RBM47: variants seen among roughly 807,000 people sequenced by gnomAD.
The protein encoded by RBM47 is RNA-binding protein 47.
In RBM47, 21 loss-of-function variants were observed where a neutral mutation model predicts 47.1. The observed-to-expected ratio is 0.45, with a 90% CI of 0.32 to 0.64. The LOEUF (loss-of-function observed/expected upper bound fraction) is 0.64. Ranked by LOEUF, RBM47 falls within the 30% of genes least tolerant of loss-of-function variation. The probability of loss-of-function intolerance (pLI) is 0.05; values close to 1 mark genes in which losing one functional copy is unlikely to be tolerated. For missense variants in RBM47, 708 were observed against 870.9 expected (o/e 0.81, Z 2.35); for synonymous variants, 375 against 361.7 (o/e 1.04, Z -0.42).
chr4:40,586,217 C>G (rs544520565), intron 1 of RBM47, among the ~76,000 whole-genome samples: 2 of 152,154 alleles, frequency 1.3e-5, no homozygotes, highest in Non-Finnish European at 1.5e-5. Context: ...GGATTCTGAT[C>G]GGTTCATCCT....
rs1370912751 is a variant in RBM47 at position 40,452,063 on chromosome 4, GGGAGGGT to G, written c.-31-13146_-31-13140del. On this transcript the variant is annotated intron_variant, in intron 3 of 6. Transcript: ENST00000295971. The stretch of plus-strand genomic sequence containing the variant: ...CATGTGCCTGTAGTCTCAGCTACTT[GGGAGGGT>G]GAGGCAGGAGAATTGCTTGAACCCA... Among the ~76,000 whole-genome samples, 5 of 152,184 alleles carry G rather than the reference GGGAGGGT, an allele frequency of 3.3e-5. No individual in the cohort carries two copies. In the East Asian group the frequency reaches 7.7e-4, roughly 24 times the overall value.
In RBM47 at chr4:40,432,880, A is replaced by T. The variant is rs1193474958; in HGVS notation, c.1331-18T>A. ...GATGGCTACTGCAAGAGAAGCAAGAAGGAAAAACAGGTCAATCACTTTCAG... is the reference window on the plus strand; with the variant it reads ...GATGGCTACTGCAAGAGAAGCAAGATGGAAAAACAGGTCAATCACTTTCAG... On this transcript the variant is annotated intron_variant, in intron 5 of 6. Coordinates refer to ENST00000295971, the MANE Select transcript of RBM47 (RefSeq NM_001098634.2). 4 of 1,612,780 alleles carry T rather than the reference A, an allele frequency of 2.5e-6. No individual in the cohort carries two copies. In the African/African-American group the frequency reaches 4.0e-5, roughly 16 times the overall value.
At position 40,436,584 on chromosome 4, in the gene RBM47, G is replaced by C; in HGVS notation, c.1187C>G (p.Ser396Cys). 8 of 1,614,154 alleles carry C rather than the reference G, an allele frequency of 5.0e-6. No individual in the cohort carries two copies. The highest frequency in any genetic ancestry group is 6.8e-6 in the Non-Finnish European group (8 of 1,180,044). ...AGNRAPGPRG[S>C]YLGGYSAGRG... is the part of the protein sequence containing the mutation. Reference sequence around the variant, plus strand: ...ACCAGCAGAATATCCCCCGAGGTAGGAACCCCTAGGCCCTGGGGCTCTGTT... The same window carrying C: ...ACCAGCAGAATATCCCCCGAGGTAGCAACCCCTAGGCCCTGGGGCTCTGTT... Residue 396 changes from serine to cysteine, a missense_variant, in exon 5 of 7, where the codon TCC becomes TGC. Physicochemically the swap from Ser to Cys is moderately radical, Grantham distance 112. Transcript: ENST00000295971.
In RBM47 at chr4:40,456,800, G is replaced by A. The variant is rs527460489; in HGVS notation, c.-32+9777C>T. Among the ~76,000 whole-genome samples, 7 of 151,504 alleles carry A rather than the reference G, an allele frequency of 4.6e-5. 1 individual carries two copies. The highest frequency in any genetic ancestry group is 2.1e-4 in the South Asian group (1 of 4,780). On this transcript the variant is annotated intron_variant, in intron 3 of 6. Transcript: ENST00000295971. ...TTTTGTAGAGATGAGGTCTCACCAC[G>A]TTGCCTAAAGTTGTTCTCAAACTCC...
intron 2 of RBM47, among the ~76,000 whole-genome samples, chr4:40,507,396 C>A (rs1334490792): frequency 6.6e-6 from 1 of 152,000 alleles, no homozygotes; most frequent in Admixed American, 6.6e-5. Flanking sequence ...AAAACCTGAT[C>A]TTAAAAAAAA....
chr4:40,547,487 A>T (rs954586770), intron 1 of RBM47, among the ~76,000 whole-genome samples: 8 of 152,212 alleles, frequency 5.3e-5, no homozygotes, highest in African/African-American at 1.9e-4. Context: ...TGTCACCTTG[A>T]TCTTGGACTT....
chr4:40,621,331 TAA>T (rs953650641), intron 1 of RBM47, among the ~76,000 whole-genome samples: 4 of 152,126 alleles, frequency 2.6e-5, no homozygotes, highest in Non-Finnish European at 1.5e-5. Context: ...CAAACCTAGG[TAA>T]TTGTCCAAAG....
intron 1 of RBM47, among the ~76,000 whole-genome samples, chr4:40,612,731 T>C (rs1736368963): frequency 6.6e-6 from 1 of 152,158 alleles, no homozygotes; most frequent in South Asian, 2.1e-4. Flanking sequence ...ATTTATTAAA[T>C]TTGAAGGTAT....
chr4:40,520,465 CT>C (rs33988527), intron 2 of RBM47, among the ~76,000 whole-genome samples: 5,663 of 152,238 alleles, frequency 0.037, 368 homozygotes, highest in African/African-American at 0.13. Flanking sequence ...TCCAAAGCAT[CT>C]TTCAGCTGTA....
intron 3 of RBM47, among the ~76,000 whole-genome samples, chr4:40,458,530 G>T (rs2154223775): frequency 6.6e-6 from 1 of 152,110 alleles, no homozygotes; most frequent in East Asian, 1.9e-4. Flanking sequence ...TTTAATGTGG[G>T]GTATTTTGGA....
At chr4:40,428,573 G>A (rs1185451149) in intron 6 of RBM47, among the ~76,000 whole-genome samples, 2 of 152,180 alleles carry the variant, frequency 1.3e-5, no homozygotes, top group Non-Finnish European at 2.9e-5. Context: ...AATAACCAGT[G>A]CAAAAAGGGA....
intron 2 of RBM47, among the ~76,000 whole-genome samples, chr4:40,497,695 C>T (rs922231823): frequency 1.3e-5 from 2 of 150,990 alleles, no homozygotes; most frequent in Admixed American, 6.6e-5. Flanking sequence ...CCTCCCTGGC[C>T]AGGCACACTG....
intron 1 of RBM47, among the ~76,000 whole-genome samples, chr4:40,568,752 G>A (rs569171728): frequency 6.6e-6 from 1 of 151,798 alleles, no homozygotes; most frequent in East Asian, 1.9e-4. Context: ...AGGCCGAGGC[G>A]GGTGGATCAC....
intron 1 of RBM47, among the ~76,000 whole-genome samples, chr4:40,592,426 CTTTTTTTTTTTTTTT>C (rs1734237457): frequency 7.3e-6 from 1 of 137,494 alleles, no homozygotes; most frequent in African/African-American, 2.7e-5. Flanking sequence ...TTTTTTTTTT[CTTTTTTTTTTTTTTT>C]AAGACAGAGT....
At chr4:40,467,622 A>G (rs915397056) in intron 2 of RBM47, among the ~76,000 whole-genome samples, 1 of 152,116 alleles carries the variant, frequency 6.6e-6, no homozygotes. Context: ...TGTTCATCGC[A>G]TGGAGAGGCC....
rs1333944421 is a variant in RBM47 at position 40,426,135 on chromosome 4, T to C, written c.1551A>G (p.Pro517=). ...GAGCCACCGTGTATACTGGAGTTAT[T>C]GGGCGGCCCTGAGGAGAAGAGACAA... is the stretch of plus-strand genomic sequence containing the variant. ...VSTPPPFQGR[P]ITPVYTVAPN... The change falls in exon 7 of 7, where the codon CCA becomes CCG. Residue 517 remains proline (P), a synonymous_variant. Transcript: ENST00000295971. 4 of 1,613,956 alleles carry C rather than the reference T, an allele frequency of 2.5e-6. No homozygotes were observed. Among genetic ancestry groups the C allele is most frequent in the Non-Finnish European group, 3.4e-6 (4 of 1,179,982 alleles).
At position 40,423,660 on chromosome 4, in the gene RBM47, C is replaced by CTT. The variant is rs1203066663; in HGVS notation, c.*2242_*2243dup. 5 of 25,002 alleles carry CTT rather than the reference C, an allele frequency of 2.0e-4. No individual in the cohort carries two copies. Among genetic ancestry groups the CTT allele is most frequent in the African/African-American group, 5.0e-4 (3 of 5,996 alleles). 1.5% of individuals were successfully genotyped at this position (25,002 alleles called of 1,614,324 possible). A position where few individuals can be genotyped will look rare whatever the true frequency, so the allele number is the denominator to read the frequency against. On this transcript the variant is annotated 3_prime_UTR_variant, in exon 7 of 7. Transcript: ENST00000295971. ...TTTTATTCTTTCTTTCTTTTTCTTT[C>CTT]TTTCTTTCTTTCTTTCTTTCTTTCT...
At chr4:40,463,200 T>A (rs1456139212) in intron 3 of RBM47, among the ~76,000 whole-genome samples, 1 of 152,172 alleles carries the variant, frequency 6.6e-6, no homozygotes, top group Non-Finnish European at 1.5e-5. Context: ...ATTATACATC[T>A]GCATTACACA....
At chr4:40,476,538 G>A (rs1719636843) in intron 2 of RBM47, among the ~76,000 whole-genome samples, 1 of 152,006 alleles carries the variant, frequency 6.6e-6, no homozygotes, top group Admixed American at 6.6e-5. Context: ...CAGTACAGCA[G>A]GATTTATGGT....
Sources: allele counts gnomAD v4.1 joint callset (sites outside exome capture counted in the v4.1 genomes callset), GRCh38; gene constraint gnomAD v4.1.1; transcripts MANE v1.5; gene names NCBI Gene and HGNC (gene_info 2026-07-23, HGNC 2026-07-21).